LRRTM3: variants seen among roughly 807,000 people sequenced by gnomAD.
LRRTM3 encodes leucine-rich repeat transmembrane neuronal protein 3.
In LRRTM3, 24 loss-of-function variants were observed where a neutral mutation model predicts 44.7. The ratio of observed to expected loss-of-function variants is 0.54; its 90% CI spans 0.39 to 0.76. The LOEUF (loss-of-function observed/expected upper bound fraction) is 0.76. LRRTM3 is among the 30% of genes least tolerant of loss of function. LRRTM3 has a pLI of 0.00. For synonymous variants in LRRTM3, 277 were observed against 278.7 expected (o/e 0.99, Z 0.06); for missense variants, 587 against 702.2 (o/e 0.84, Z 1.85).
chr10:66,991,323 T>C (rs1003074368), intron 2 of LRRTM3, among the ~76,000 whole-genome samples: 2 of 152,182 alleles, frequency 1.3e-5, no homozygotes, highest in Non-Finnish European at 2.9e-5. Flanking sequence ...AGGAATTAGT[T>C]TGCTTTTCTG....
rs747358069 is a variant in LRRTM3, at chr10:66,926,536, C to T, written c.-48C>T. On this transcript the variant is annotated 5_prime_UTR_variant, in exon 1 of 3. Coordinates refer to ENST00000361320, the MANE Select transcript of LRRTM3 (RefSeq NM_178011.5). ...ACAGGGGCTGTCATGCAACTGGCCC[C>T]TAAGCCAAAGCAAAAGACCTAAGGA... is the stretch of plus-strand genomic sequence containing the variant. 3.1e-6 allele frequency: 5 copies of T among 1,612,614 alleles called. No individual in the cohort carries two copies. The South Asian group carries it at 4.4e-5, about 14-fold the overall frequency.
chr10:67,026,478 A>T (rs1169779161), intron 2 of LRRTM3, among the ~76,000 whole-genome samples: 2 of 152,104 alleles, frequency 1.3e-5, no homozygotes, highest in Non-Finnish European at 2.9e-5. Context: ...AAAAGAAATA[A>T]AGCAGTGTTA....
chr10:67,080,719 C>A (rs1369161763), intron 2 of LRRTM3, among the ~76,000 whole-genome samples: 1 of 151,872 alleles, frequency 6.6e-6, no homozygotes, highest in Non-Finnish European at 1.5e-5. Flanking sequence ...ACCATCCTGG[C>A]TAACACAGTG....
chr10:66,942,270 TA>T (rs943555360), intron 2 of LRRTM3, among the ~76,000 whole-genome samples: 1 of 152,164 alleles, frequency 6.6e-6, no homozygotes. Flanking sequence ...CTGCAATATA[TA>T]AAAAATGATT....
intron 2 of LRRTM3, among the ~76,000 whole-genome samples, chr10:67,085,147 A>T (rs1489619649): frequency 1.3e-5 from 2 of 152,084 alleles, no homozygotes; most frequent in East Asian, 3.9e-4. Context: ...TGTTAATGAG[A>T]CAAGATACAC....
chr10:66,927,478 C>G lies in LRRTM3; in HGVS notation c.562C>G (p.Leu188Val). The G allele has an allele frequency of 6.2e-7, 1 of 1,614,056 alleles. No homozygotes were observed. The highest frequency in any genetic ancestry group is 8.5e-7 in the Non-Finnish European group (1 of 1,180,010). ...QDCRNLELLD[L>V]GYNRIRSLAR... ...CTGCCGCAACCTGGAACTTTTGGAC[C>G]TGGGATATAACCGGATCCGAAGTTT... Residue 188 changes from leucine (L) to valine (V), a missense_variant, in exon 2 of 3, where the codon CTG becomes GTG. Leu to Val is a conservative substitution (Grantham distance 32). This residue lies in a region of LRRTM3 where 222 missense variants were observed against 323.3 expected (regional missense o/e 0.69). Coordinates refer to ENST00000361320, the MANE Select transcript of LRRTM3 (RefSeq NM_178011.5). This position sits in a 1 kb window ranked among gnomAD's most constrained non-coding sequence, Gnocchi z 4.7.
chr10:66,972,860 G>T (rs1849804641), intron 2 of LRRTM3, among the ~76,000 whole-genome samples: 1 of 151,632 alleles, frequency 6.6e-6, no homozygotes, highest in Non-Finnish European at 1.5e-5. Flanking sequence ...ACAGGCGCCT[G>T]CCACCACGCC....
chr10:67,031,641 C>T (rs910907890), intron 2 of LRRTM3, among the ~76,000 whole-genome samples: 8 of 152,128 alleles, frequency 5.3e-5, no homozygotes, highest in African/African-American at 9.7e-5. Flanking sequence ...GTTTGAAATA[C>T]GCCCATCAAC....
In LRRTM3 at chr10:66,928,240, T is replaced by C; in HGVS notation, c.1324T>C (p.Trp442Arg). The C allele has an allele frequency of 6.2e-7, 1 of 1,614,132 alleles. No homozygotes were observed. The highest frequency in any genetic ancestry group is 8.5e-7 in the Non-Finnish European group (1 of 1,180,038). ...LVILLVIYVSWKRYPASMKQL... is the reference protein window; with the variant it reads ...LVILLVIYVSRKRYPASMKQL... ...CATCCTGCTGGTTATCTACGTGTCATGGAAGCGGTACCCTGCGAGCATGAA... is the reference window on the plus strand; with the variant it reads ...CATCCTGCTGGTTATCTACGTGTCACGGAAGCGGTACCCTGCGAGCATGAA... Residue 442 changes from tryptophan to arginine, a missense_variant, in exon 2 of 3, where the codon TGG becomes CGG. Around this residue, in one of 3 missense-constraint regions of LRRTM3, gnomAD observed 315 missense variants for 335.6 expected, o/e 0.94. Transcript: ENST00000361320.
chr10:66,975,024 G>A (rs566130646), intron 2 of LRRTM3, among the ~76,000 whole-genome samples: 3 of 152,276 alleles, frequency 2.0e-5, no homozygotes, highest in African/African-American at 7.2e-5. Flanking sequence ...AGCTCTTGAT[G>A]AAGAGGAGAT....
chr10:66,987,552 TG>T (rs371042884), intron 2 of LRRTM3, among the ~76,000 whole-genome samples: 53 of 152,302 alleles, frequency 3.5e-4, no homozygotes, highest in African/African-American at 1.1e-3. Flanking sequence ...CTCATCCAGT[TG>T]TTATTTACCT....
chr10:66,948,427 T>C (rs774745451), intron 2 of LRRTM3, among the ~76,000 whole-genome samples: 2 of 152,162 alleles, frequency 1.3e-5, no homozygotes, highest in African/African-American at 2.4e-5. Flanking sequence ...CGTAACAACA[T>C]GGAGATGCGT....
chr10:67,077,931 A>G (rs1238410797), intron 2 of LRRTM3, among the ~76,000 whole-genome samples: 3 of 152,196 alleles, frequency 2.0e-5, no homozygotes, highest in Non-Finnish European at 2.9e-5. Flanking sequence ...GGACAGAGAG[A>G]GAATATAAGT....
At chr10:67,017,643 G>A (rs1035720563) in intron 2 of LRRTM3, among the ~76,000 whole-genome samples, 1 of 151,980 alleles carries the variant, frequency 6.6e-6, no homozygotes, top group Non-Finnish European at 1.5e-5. Context: ...GGAAGTGGAG[G>A]TATTTGAAAA....
rs1444803492 is a variant in LRRTM3 at position 67,098,047 on chromosome 10, T to A, written c.*251T>A. The A allele has an allele frequency of 4.3e-6, 2 of 469,252 alleles. No individual in the cohort carries two copies. The highest frequency in any genetic ancestry group is 7.7e-6 in the Non-Finnish European group (2 of 259,156). The allele number at this position is 469,252 out of a possible 1,614,324, so 29.1% of individuals were successfully genotyped here. Reference sequence around the variant, plus strand: ...AGTATGACCCTGAAAAATAAAAGAATCTTTTTTTTTCAAAACTCATCCTAC... The same window carrying A: ...AGTATGACCCTGAAAAATAAAAGAAACTTTTTTTTTCAAAACTCATCCTAC... On this transcript the variant is annotated 3_prime_UTR_variant, in exon 3 of 3. Coordinates refer to ENST00000361320, the MANE Select transcript of LRRTM3 (RefSeq NM_178011.5).
chr10:67,019,321 C>A (rs191456550), intron 2 of LRRTM3, among the ~76,000 whole-genome samples: 2 of 152,260 alleles, frequency 1.3e-5, no homozygotes, highest in South Asian at 4.1e-4. Context: ...CGGGTCCAAG[C>A]GCTTCTCCTG....
chr10:66,951,846 G>T (rs966772879), intron 2 of LRRTM3, among the ~76,000 whole-genome samples: 7 of 152,116 alleles, frequency 4.6e-5, no homozygotes, highest in African/African-American at 1.4e-4. Flanking sequence ...CATCTCACCT[G>T]GCCTGATTAA....
chr10:66,984,323 T>C (rs1850610004), intron 2 of LRRTM3, among the ~76,000 whole-genome samples: 1 of 152,162 alleles, frequency 6.6e-6, no homozygotes, highest in Non-Finnish European at 1.5e-5. Flanking sequence ...ATACCAAACA[T>C]TATTCTTAGT....
At chr10:66,993,984 T>C (rs980882627) in intron 2 of LRRTM3, among the ~76,000 whole-genome samples, 1 of 152,298 alleles carries the variant, frequency 6.6e-6, no homozygotes, top group Admixed American at 6.5e-5. Context: ...CTGCCAGATA[T>C]AGCAGGACAA....
Sources: gnomAD v4.1 joint callset for allele counts (sites outside exome capture counted in the v4.1 genomes callset) on GRCh38, gnomAD v4.1.1 for gene constraint, gnomAD v4.1.1 regional missense constraint, Gnocchi (gnomAD v3.1) non-coding constraint, MANE v1.5 for transcripts, NCBI Gene and HGNC (gene_info 2026-07-23, HGNC 2026-07-21) for gene names.